The following WDPCP variants were observed in gnomAD, a reference collection of about 807,000 sequenced individuals.
WDPCP encodes WD repeat containing planar cell polarity effector, also known as WD repeat-containing and planar cell polarity effector protein fritz homolog.
A neutral mutation model predicts 93.1 loss-of-function variants in WDPCP; 71 were observed. That is an observed-to-expected ratio of 0.76 (90% CI 0.63 to 0.93). The LOEUF (loss-of-function observed/expected upper bound fraction) is 0.93. Ranked by LOEUF, WDPCP falls within the 40% of genes least tolerant of loss-of-function variation. WDPCP has a pLI of 0.00. For synonymous variants in WDPCP, 315 were observed against 315.0 expected (o/e 1.00, Z 0.00); for missense variants, 844 against 887.4 (o/e 0.95, Z 0.62).
chr2:63,800,225 G>A (rs927470793), intron 2 of WDPCP, among the ~76,000 whole-genome samples: 2 of 151,988 alleles, frequency 1.3e-5, no homozygotes, highest in African/African-American at 2.4e-5. Flanking sequence ...TGGAATTCTG[G>A]CAATTATTTC....
intron 9 of WDPCP, among the ~76,000 whole-genome samples, chr2:63,421,947 A>T (rs1695896876): frequency 6.6e-6 from 1 of 152,162 alleles, no homozygotes; most frequent in African/African-American, 2.4e-5. Context: ...AATACAGAAG[A>T]GGTTAAATTA....
intron 12 of WDPCP, among the ~76,000 whole-genome samples, chr2:63,364,309 A>G (rs1371912822): frequency 6.6e-6 from 1 of 152,228 alleles, no homozygotes; most frequent in Non-Finnish European, 1.5e-5. Flanking sequence ...TCAACCGAGT[A>G]TAATATTCTC....
intron 15 of WDPCP, among the ~76,000 whole-genome samples, chr2:63,172,424 C>A (rs1288139957): frequency 6.6e-6 from 1 of 152,106 alleles, no homozygotes; most frequent in Non-Finnish European, 1.5e-5. Flanking sequence ...GGGATAATCA[C>A]CTGAGCCTGG....
intron 3 of WDPCP, among the ~76,000 whole-genome samples, chr2:63,625,633 G>A (rs922540785): frequency 1.3e-5 from 2 of 152,082 alleles, no homozygotes; most frequent in African/African-American, 2.4e-5. Context: ...GATGTGAAGA[G>A]GGATGTGAAG....
rs76451056 is a variant in WDPCP, at chr2:63,387,461, C to T, written c.1436-5367G>A. On this transcript the variant is annotated intron_variant, in intron 10 of 17. Transcript: ENST00000272321. ...TCATGTTAAAAAAAAGAAAAAAAAC[C>T]TCAACAAACTAGGTATTGAAGGAAT... is the stretch of plus-strand genomic sequence containing the variant. Among the ~76,000 whole-genome samples, 44 of 151,778 alleles carry T rather than the reference C, an allele frequency of 2.9e-4. No individual in the cohort carries two copies. In the East Asian group the frequency reaches 6.2e-3, roughly 21 times the overall value.
chr2:63,499,587 C>G (rs1263641945), intron 1 of WDPCP, among the ~76,000 whole-genome samples: 1 of 152,106 alleles, frequency 6.6e-6, no homozygotes, highest in East Asian at 1.9e-4. Context: ...CACTAATATT[C>G]AGTAACAAGG....
At chr2:63,414,831 T>C (rs962583761) in intron 9 of WDPCP, among the ~76,000 whole-genome samples, 5 of 152,050 alleles carry the variant, frequency 3.3e-5, no homozygotes, top group African/African-American at 1.2e-4. Flanking sequence ...CTAAAGAACT[T>C]ACTCATATAA....
At chr2:63,787,511 T>G (rs1670486900) in intron 2 of WDPCP, among the ~76,000 whole-genome samples, 2 of 152,144 alleles carry the variant, frequency 1.3e-5, no homozygotes, top group Non-Finnish European at 2.9e-5. Context: ...AAGGGCCTCA[T>G]TAATTAAGGG....
At chr2:63,496,540 C>A (rs1385690112) in intron 1 of WDPCP, among the ~76,000 whole-genome samples, 1 of 152,168 alleles carries the variant, frequency 6.6e-6, no homozygotes, top group African/African-American at 2.4e-5. Context: ...ACCATTAATT[C>A]TCTACATTTG....
chr2:63,205,585 G>A (rs1035345526), intron 14 of WDPCP, among the ~76,000 whole-genome samples: 5 of 151,804 alleles, frequency 3.3e-5, no homozygotes, highest in African/African-American at 1.2e-4. Flanking sequence ...TTTATTTGTG[G>A]CTATTATAAA....
chr2:63,211,757 T>C (rs1051163770), intron 14 of WDPCP, among the ~76,000 whole-genome samples: 2 of 152,048 alleles, frequency 1.3e-5, no homozygotes, highest in Non-Finnish European at 1.5e-5. Flanking sequence ...GAATCAACAG[T>C]GTAGAGAAGA....
chr2:63,356,456 C>T (rs1690028308), intron 12 of WDPCP, among the ~76,000 whole-genome samples: 1 of 152,112 alleles, frequency 6.6e-6, no homozygotes, highest in South Asian at 2.1e-4. Flanking sequence ...AACTCTCCAC[C>T]CCAAAACAAC....
At chr2:63,425,030 C>A (rs955735192) in intron 9 of WDPCP, among the ~76,000 whole-genome samples, 7 of 152,154 alleles carry the variant, frequency 4.6e-5, no homozygotes, top group South Asian at 2.1e-4. Context: ...TACTGGATTG[C>A]AGCCTAAATT....
intron 1 of WDPCP, among the ~76,000 whole-genome samples, chr2:63,500,163 G>A (rs1477362994): frequency 6.6e-6 from 1 of 152,166 alleles, no homozygotes; most frequent in African/African-American, 2.4e-5. Context: ...TAGAAGAAGA[G>A]CAAGTTTTGT....
chr2:63,219,382 C>T (rs1677626092), intron 14 of WDPCP, among the ~76,000 whole-genome samples: 1 of 152,138 alleles, frequency 6.6e-6, no homozygotes, highest in African/African-American at 2.4e-5. Flanking sequence ...GTTGCACAGG[C>T]ATGCCAATAA....
At chr2:63,486,608 T>A in intron 3 of WDPCP, 22 bp from the exon 4 acceptor site, 1 of 1,559,594 alleles carries the variant, frequency 6.4e-7, no homozygotes, top group African/African-American at 1.4e-5. Context: ...GCAGAAGGGA[T>A]AGAAAGAAAA....
At chr2:63,691,553 T>C (rs1343313485) in intron 2 of WDPCP, among the ~76,000 whole-genome samples, 3 of 152,074 alleles carry the variant, frequency 2.0e-5, no homozygotes, top group African/African-American at 7.2e-5. Context: ...AAGAATCGCT[T>C]GAACCTGGGG....
chr2:63,333,762 C>T (rs1362566515), intron 12 of WDPCP, among the ~76,000 whole-genome samples: 1 of 152,194 alleles, frequency 6.6e-6, no homozygotes, highest in Non-Finnish European at 1.5e-5. Flanking sequence ...TGCACTCTGA[C>T]CACTTTGGGC....
At chr2:63,363,465 G>C (rs1326610511) in intron 12 of WDPCP, among the ~76,000 whole-genome samples, 2 of 152,160 alleles carry the variant, frequency 1.3e-5, no homozygotes, top group East Asian at 3.9e-4. Flanking sequence ...AAGTGTGATG[G>C]GGTGAGCCTA....
Sources: allele counts gnomAD v4.1 joint callset (sites outside exome capture counted in the v4.1 genomes callset), GRCh38; gene constraint gnomAD v4.1.1; transcripts MANE v1.5; gene names NCBI Gene and HGNC (gene_info 2026-07-23, HGNC 2026-07-21).